Variants in CRYBA4 observed in about 807,000 individuals in gnomAD.
CRYBA4 encodes beta-crystallin A4.
In CRYBA4, 30 loss-of-function variants were observed where a neutral mutation model predicts 31.7. The observed-to-expected ratio is 0.95, with a 90% CI of 0.71 to 1.28. The LOEUF is 1.28. Ranked by LOEUF, CRYBA4 falls within the 50% of genes most tolerant of loss-of-function variation. The pLI is 0.00. For synonymous variants in CRYBA4, 102 were observed against 102.3 expected, an observed-to-expected ratio of 1.00 and a Z score of 0.02; for missense variants, 225 against 260.7, an observed-to-expected ratio of 0.86 and a Z score of 0.94.
In CRYBA4 at chr22:26,621,976, G is replaced by A. The variant is rs1929544621; in HGVS notation, c.-23G>A. The A allele has an allele frequency of 1.0e-6, 1 of 986,192 alleles. No homozygotes were observed. The allele number at this position is 986,192 out of a possible 1,614,324, so 61.1% of individuals were successfully genotyped here. On this transcript the variant is annotated 5_prime_UTR_variant, in exon 1 of 6. Coordinates refer to ENST00000354760, the MANE Select transcript of CRYBA4 (RefSeq NM_001886.3). ...GGTCTCAGATCTGACATGTTCCCTG[G>A]GCCTATCTCGGTAAGTCCCAGGTTT...
At chr22:26,625,883 A>G (rs1055402865) in intron 4 of CRYBA4, among the ~76,000 whole-genome samples, 3 of 151,820 alleles carry the variant, frequency 2.0e-5, no homozygotes, top group African/African-American at 4.8e-5. Flanking sequence ...TGGTTGTGAT[A>G]GGAGCCCCTG....
chr22:26,624,885 G>A (rs1929654479), intron 3 of CRYBA4, among the ~76,000 whole-genome samples: 1 of 152,198 alleles, frequency 6.6e-6, no homozygotes, highest in African/African-American at 2.4e-5. Flanking sequence ...GTGGGGAGGC[G>A]AGGTGGAAAG....
the CRYBA4 span, among the ~76,000 whole-genome samples, chr22:26,591,062 A>G: frequency 6.6e-6 from 1 of 152,150 alleles, no homozygotes; most frequent in Non-Finnish European, 1.5e-5. Flanking sequence ...TGCCATATGT[A>G]TATATTATCT....
the CRYBA4 span, chr22:26,616,016 AAGG>A: frequency 3.8e-6 from 3 of 792,978 alleles, no homozygotes; most frequent in East Asian, 2.6e-5. Flanking sequence ...AGCCAAGAAA[AAGG>A]AGGAGAAAGA....
chr22:26,611,599 C>T, the CRYBA4 span, among the ~76,000 whole-genome samples: 21 of 152,002 alleles, frequency 1.4e-4, no homozygotes, highest in South Asian at 1.0e-3. Context: ...CTCAGCCTCC[C>T]GAGTAGCTGG....
the CRYBA4 span, chr22:26,608,068 T>C: frequency 6.2e-7 from 1 of 1,613,686 alleles, no homozygotes; most frequent in African/African-American, 1.3e-5. Flanking sequence ...ATATGGTTAG[T>C]AGAAGCCCCC....
chr22:26,597,172 T>C, the CRYBA4 span, among the ~76,000 whole-genome samples: 1 of 152,182 alleles, frequency 6.6e-6, no homozygotes, highest in African/African-American at 2.4e-5. Context: ...TGAGGCCCTA[T>C]CTTTCTTGCC....
intron 4 of CRYBA4, among the ~76,000 whole-genome samples, chr22:26,626,094 A>T (rs1874692350): frequency 6.6e-6 from 1 of 152,160 alleles, no homozygotes; most frequent in African/African-American, 2.4e-5. Flanking sequence ...CAATGAAAAC[A>T]TTGAGGCTCA....
the CRYBA4 span, chr22:26,590,237 C>T: frequency 2.0e-5 from 3 of 150,650 alleles, no homozygotes; most frequent in East Asian, 2.0e-4. Flanking sequence ...CTCGGGACCG[C>T]GAGGTGAGCA....
intron 2 of CRYBA4, among the ~76,000 whole-genome samples, chr22:26,622,850 G>T (rs75813631): frequency 1.9e-3 from 282 of 152,288 alleles, no homozygotes; most frequent in African/African-American, 6.1e-3. Context: ...TTTGGCAGAG[G>T]TTGCAGTCTT....
At chr22:26,626,331 G>C (rs1929703714) in intron 4 of CRYBA4, among the ~76,000 whole-genome samples, 1 of 152,170 alleles carries the variant, frequency 6.6e-6, no homozygotes, top group Non-Finnish European at 1.5e-5. Context: ...TTGAACCCGG[G>C]AGACAGAGGT....
the CRYBA4 span, chr22:26,611,946 CATA>C: frequency 1.3e-6 from 1 of 760,608 alleles, no homozygotes; most frequent in South Asian, 1.4e-5. Flanking sequence ...GAGGATTGGA[CATA>C]ATGTATGTGC....
chr22:26,601,031 G>A, the CRYBA4 span, among the ~76,000 whole-genome samples: 1 of 152,218 alleles, frequency 6.6e-6, no homozygotes, highest in African/African-American at 2.4e-5. Flanking sequence ...CTAGCACAGT[G>A]CCTGGCTCAC....
the CRYBA4 span, among the ~76,000 whole-genome samples, chr22:26,607,019 CTTTTTTTT>C: frequency 8.9e-6 from 1 of 111,962 alleles, no homozygotes; most frequent in Non-Finnish European, 1.7e-5. Flanking sequence ...TATCCCTCTC[CTTTTTTTT>C]TTTTTTTTTT....
At chr22:26,610,226 A>G in the CRYBA4 span, among the ~76,000 whole-genome samples, 3 of 152,312 alleles carry the variant, frequency 2.0e-5, no homozygotes, top group African/African-American at 7.2e-5. Flanking sequence ...TGAGGCTAAG[A>G]GGGGTTAAGT....
At chr22:26,590,774 C>G in the CRYBA4 span, among the ~76,000 whole-genome samples, 56 of 152,066 alleles carry the variant, frequency 3.7e-4, no homozygotes, top group Admixed American at 2.2e-3. Flanking sequence ...CACTACCCCC[C>G]CAAAAAAAAC....
At chr22:26,610,520 A>G in the CRYBA4 span, among the ~76,000 whole-genome samples, 8 of 152,320 alleles carry the variant, frequency 5.3e-5, no homozygotes, top group Non-Finnish European at 1.2e-4. Flanking sequence ...CTGAAAACCC[A>G]TGCTGGCCAC....
At chr22:26,594,302 G>A in the CRYBA4 span, among the ~76,000 whole-genome samples, 1 of 152,200 alleles carries the variant, frequency 6.6e-6, no homozygotes, top group East Asian at 1.9e-4. Context: ...GAGCCCAGTT[G>A]CTGTGTATTT....
the CRYBA4 span, among the ~76,000 whole-genome samples, chr22:26,614,938 G>A: frequency 6.6e-6 from 1 of 152,128 alleles, no homozygotes; most frequent in African/African-American, 2.4e-5. Context: ...ACAGACACAG[G>A]TTGAGGATAG....
Sources: gnomAD v4.1 joint callset for allele counts (sites outside exome capture counted in the v4.1 genomes callset) on GRCh38, gnomAD v4.1.1 for gene constraint, MANE v1.5 for transcripts, NCBI Gene and HGNC (gene_info 2026-07-23, HGNC 2026-07-21) for gene names.